XPA: variants seen among roughly 807,000 people sequenced by gnomAD.
The protein encoded by XPA is DNA repair protein complementing XP-A cells.
In XPA, 27 loss-of-function variants were observed where a neutral mutation model predicts 35.7. That is an observed-to-expected ratio of 0.76 (90% CI 0.56 to 1.04). XPA has a LOEUF of 1.04. XPA is among the 50% of genes least tolerant of loss of function. The pLI, the probability that XPA is intolerant of heterozygous loss-of-function variation, is 0.00. For missense variants in XPA, 354 were observed against 342.7 expected (o/e 1.03, Z -0.26); for synonymous variants, 133 against 118.4 (o/e 1.12, Z -0.80).
chr9:97,696,809 A>G (rs780530484), intron 1 of XPA, among the ~76,000 whole-genome samples: 3 of 151,914 alleles, frequency 2.0e-5, no homozygotes, highest in African/African-American at 7.3e-5. Context: ...AGTGGCTGAC[A>G]CCTCCCGGCC....
intron 3 of XPA, among the ~76,000 whole-genome samples, chr9:97,688,215 C>G (rs1828779093): frequency 6.6e-6 from 1 of 152,176 alleles, no homozygotes; most frequent in South Asian, 2.1e-4. Context: ...TCTGGAGGCA[C>G]TAGGTAAGAA....
Position 97,687,202 on chromosome 9 carries a change from A to G in XPA, c.449T>C (p.Leu150Pro). 7 of 1,611,664 alleles carry G rather than the reference A, an allele frequency of 4.3e-6. No homozygotes were observed. The highest frequency in any genetic ancestry group is 5.9e-6 in the Non-Finnish European group (7 of 1,179,324). The change falls in exon 4 of 6, where the codon CTG becomes CCG. Residue 150 changes from leucine (L) to proline (P), a missense_variant. Transcript: ENST00000375128. Reference protein sequence around the residue: ...TKTEAKQEYLLKDCDLEKREP... With the variant: ...TKTEAKQEYLPKDCDLEKREP... ...TCTTTTTTCTAAATCACAGTCTTTC[A>G]GAAGATATTCTTGTTTTGCCTCTGT...
Position 97,675,024 on chromosome 9 carries a change from A to C in XPA, c.*415T>G, listed in dbSNP as rs1388761624. The C allele has an allele frequency of 7.6e-6, 4 of 528,560 alleles. No individual in the cohort carries two copies. The highest frequency in any genetic ancestry group is 7.5e-5 in the African/African-American group (4 of 53,452). The allele number at this position is 528,560 out of a possible 1,614,324, so 32.7% of individuals were successfully genotyped here. A position where few individuals can be genotyped will look rare whatever the true frequency, so the allele number is the denominator to read the frequency against. On this transcript the variant is annotated 3_prime_UTR_variant, in exon 6 of 6. Coordinates refer to ENST00000375128, the MANE Select transcript of XPA (RefSeq NM_000380.4). ...TCGTCCTAAAAAACACATGACTAGAACCTGGGGTACAGTGGTGCACCACCA... is the reference window on the plus strand; with the variant it reads ...TCGTCCTAAAAAACACATGACTAGACCCTGGGGTACAGTGGTGCACCACCA...
intron 1 of XPA, 64 bp downstream of exon 1, chr9:97,697,057 C>G (rs905438691): frequency 2.7e-6 from 4 of 1,476,486 alleles, no homozygotes; most frequent in Non-Finnish European, 3.6e-6. Context: ...TCGGCTTGCA[C>G]GAGCCAGTCT....
chr9:97,696,886 G>C (rs910217727), intron 1 of XPA, among the ~76,000 whole-genome samples: 1 of 152,240 alleles, frequency 6.6e-6, no homozygotes, highest in Admixed American at 6.5e-5. Flanking sequence ...AAGAAGGCCC[G>C]GGGCTGGGGG....
chr9:97,654,997 C>A, the XPA span: 1 of 1,345,624 alleles, frequency 7.4e-7, no homozygotes, highest in Non-Finnish European at 1.0e-6. Flanking sequence ...ACTTCCTGTA[C>A]TTCATAAAGG....
chr9:97,693,310 C>T lies in XPA; in HGVS notation c.283+339G>A, dbSNP rs1055398555. Reference sequence around the variant, plus strand: ...TAAAAGAATGTCCTAAATGTTATCTCTTGGATTCTGGTGCCTCATTTCAGC... The same window carrying T: ...TAAAAGAATGTCCTAAATGTTATCTTTTGGATTCTGGTGCCTCATTTCAGC... On this transcript the variant is annotated intron_variant, in intron 2 of 5. Transcript: ENST00000375128. Among the ~76,000 whole-genome samples the T allele has an allele frequency of 4.6e-5, 7 of 152,156 alleles. No homozygotes were observed. In the East Asian group the frequency reaches 7.7e-4, roughly 17 times the overall value.
intron 2 of XPA, among the ~76,000 whole-genome samples, chr9:97,692,399 T>C (rs1212685500): frequency 2.0e-5 from 3 of 152,120 alleles, no homozygotes; most frequent in Non-Finnish European, 4.4e-5. Context: ...CACACTAATC[T>C]CCAAACTTTA....
chr9:97,670,818 C>A (rs1587731566), downstream of XPA, among the ~76,000 whole-genome samples: 1 of 152,286 alleles, frequency 6.6e-6, no homozygotes, highest in African/African-American at 2.4e-5. Context: ...GGCACTGCTG[C>A]CACTGCCTTG....
rs1033405989 is a variant in XPA, at chr9:97,697,219, C to A, written c.74G>T (p.Arg25Leu). ...EQPAELPASV[R>L]ASIERKRQRA... Reference sequence around the variant, plus strand: ...CTGCCGCTTCCGCTCGATACTCGCCCGCACCGAGGCAGGCAGCTCCGCGGG... The same window carrying A: ...CTGCCGCTTCCGCTCGATACTCGCCAGCACCGAGGCAGGCAGCTCCGCGGG... Residue 25 changes from arginine (R) to leucine (L), a missense_variant, in exon 1 of 6, where the codon CGG becomes CTG. Physicochemically the swap from Arg to Leu is moderately radical, Grantham distance 102. Coordinates refer to ENST00000375128, the MANE Select transcript of XPA (RefSeq NM_000380.4). The A allele has an allele frequency of 2.5e-6, 4 of 1,601,310 alleles. No homozygotes were observed. In the African/African-American group the frequency reaches 5.4e-5, roughly 21 times the overall value.
At chr9:97,657,931 T>A in the XPA span, among the ~76,000 whole-genome samples, 1,623 of 130,362 alleles carry the variant, frequency 0.012, 24 homozygotes, top group African/African-American at 0.056. Context: ...TATATATTTT[T>A]TTTTTTTTTT....
At chr9:97,671,317 A>T, downstream of XPA, 1 of 730,926 alleles carries the variant, frequency 1.4e-6, no homozygotes. Context: ...AAAGGAAACA[A>T]AGGGGAAGAG....
chr9:97,663,836 C>T, the XPA span, among the ~76,000 whole-genome samples: 1 of 151,752 alleles, frequency 6.6e-6, no homozygotes, highest in Non-Finnish European at 1.5e-5. Context: ...TTTAGTCAAC[C>T]TGTTTCTTGT....
the XPA span, among the ~76,000 whole-genome samples, chr9:97,665,904 T>TA: frequency 2.0e-5 from 3 of 152,190 alleles, no homozygotes; most frequent in African/African-American, 7.2e-5. Flanking sequence ...CCTGTATTCT[T>TA]ACAATAAATC....
chr9:97,679,247 G>A (rs1202584645), intron 5 of XPA, among the ~76,000 whole-genome samples: 2 of 151,930 alleles, frequency 1.3e-5, no homozygotes, highest in South Asian at 2.1e-4. Flanking sequence ...TAAATGGTTC[G>A]GAAAAAAATA....
chr9:97,676,849 A>AAAAAATGTTCATC (rs1177093525), intron 5 of XPA, among the ~76,000 whole-genome samples: 1 of 152,194 alleles, frequency 6.6e-6, no homozygotes, highest in Non-Finnish European at 1.5e-5. Context: ...GTCTGGAAGA[A>AAAAAATGTTCATC]AAAAATGTTC....
intron 5 of XPA, chr9:97,682,257 A>G (rs1210763949): frequency 3.9e-6 from 2 of 517,932 alleles, no homozygotes; most frequent in Admixed American, 1.9e-5. Context: ...CAGAAGACCA[A>G]GAGGAACCAG....
chr9:97,677,752 C>CTT (rs58412433), intron 5 of XPA, among the ~76,000 whole-genome samples: 3,659 of 147,922 alleles, frequency 0.025, 129 homozygotes, highest in East Asian at 0.13. Context: ...TTGGGTTTTT[C>CTT]TTTTTTTTTT....
chr9:97,666,830 A>C, the XPA span: 136 of 1,610,868 alleles, frequency 8.4e-5, no homozygotes, highest in African/African-American at 1.6e-3. Context: ...GAAGATCCAG[A>C]AAGAGCTGGA....
Sources: allele counts gnomAD v4.1 joint callset (sites outside exome capture counted in the v4.1 genomes callset), GRCh38; gene constraint gnomAD v4.1.1; transcripts MANE v1.5; gene names NCBI Gene and HGNC (gene_info 2026-07-23, HGNC 2026-07-21).